HS3ST4: variants seen among roughly 807,000 people sequenced by gnomAD.
HS3ST4 encodes heparan sulfate-glucosamine 3-sulfotransferase 4, also known as heparan sulfate glucosamine 3-O-sulfotransferase 4.
HS3ST4 carries 17 observed loss-of-function variants against 29.2 expected under a neutral mutation model. The ratio of observed to expected loss-of-function variants is 0.58; its 90% CI spans 0.40 to 0.87. The LOEUF is 0.87. Ranked by LOEUF, HS3ST4 falls within the 40% of genes least tolerant of loss-of-function variation. The probability of loss-of-function intolerance (pLI) is 0.00; values close to 1 mark genes in which losing one functional copy is unlikely to be tolerated. For missense variants in HS3ST4, 627 were observed against 634.5 expected (o/e 0.99, Z 0.13); for synonymous variants, 314 against 285.7 (o/e 1.10, Z -1.00).
rs141112902 is a variant in HS3ST4, at chr16:25,946,823, GA to G, written c.735-188781del. On this transcript the variant is annotated intron_variant, in intron 1 of 1. Coordinates refer to ENST00000331351, the MANE Select transcript of HS3ST4 (RefSeq NM_006040.3). ...AGAGGTAAGTAGGCAAAGAGATAGGGAAAAAAAACACTTCTAGCAGCAAGGA... is the reference window on the plus strand; with the variant it reads ...AGAGGTAAGTAGGCAAAGAGATAGGGAAAAAAACACTTCTAGCAGCAAGGA... 3.5e-3 allele frequency among the ~76,000 whole-genome samples: 531 copies of G among 151,632 alleles called. 17 individuals are homozygous for G. The East Asian group carries it at 0.08, about 23-fold the overall frequency.
At chr16:25,876,642 G>T (rs532579288) in intron 1 of HS3ST4, among the ~76,000 whole-genome samples, 1 of 152,120 alleles carries the variant, frequency 6.6e-6, no homozygotes, top group African/African-American at 2.4e-5. Flanking sequence ...TGGAGCTGGG[G>T]GTAGGGTCAT....
chr16:25,760,066 C>A (rs192695505), intron 1 of HS3ST4, among the ~76,000 whole-genome samples: 1 of 152,154 alleles, frequency 6.6e-6, no homozygotes, highest in Non-Finnish European at 1.5e-5. Context: ...GAACTTCAAT[C>A]TGGGAGACTT....
intron 1 of HS3ST4, among the ~76,000 whole-genome samples, chr16:25,748,824 A>T (rs959547340): frequency 6.6e-6 from 1 of 152,224 alleles, no homozygotes; most frequent in Non-Finnish European, 1.5e-5. Flanking sequence ...ACACTCTATT[A>T]GGAAATATTA....
chr16:26,012,366 G>T (rs1259332484), intron 1 of HS3ST4, among the ~76,000 whole-genome samples: 1 of 152,234 alleles, frequency 6.6e-6, no homozygotes, highest in Non-Finnish European at 1.5e-5. Flanking sequence ...TGATAAAGAG[G>T]AAAGGTCAAG....
At chr16:25,696,692 T>G (rs1449532014) in intron 1 of HS3ST4, among the ~76,000 whole-genome samples, 3 of 152,150 alleles carry the variant, frequency 2.0e-5, no homozygotes, top group Admixed American at 6.5e-5. Context: ...CACATTCCAT[T>G]GGCTAGGGGA....
intron 1 of HS3ST4, among the ~76,000 whole-genome samples, chr16:25,702,266 G>T (rs1253448192): frequency 1.3e-5 from 2 of 152,134 alleles, no homozygotes; most frequent in South Asian, 2.1e-4. Context: ...AACAATAATA[G>T]AATTCATTAA....
intron 1 of HS3ST4, among the ~76,000 whole-genome samples, chr16:26,109,131 T>C (rs2141801793): frequency 6.6e-6 from 1 of 152,296 alleles, no homozygotes; most frequent in African/African-American, 2.4e-5. Flanking sequence ...TTCAATGCAC[T>C]CTCCGGCAAA....
chr16:26,055,414 A>G (rs1898394988), intron 1 of HS3ST4, among the ~76,000 whole-genome samples: 2 of 152,146 alleles, frequency 1.3e-5, no homozygotes, highest in East Asian at 3.9e-4. Flanking sequence ...TCTGGGCACT[A>G]GTAGGGGAAA....
intron 1 of HS3ST4, among the ~76,000 whole-genome samples, chr16:25,731,956 A>G (rs1435177059): frequency 6.6e-6 from 1 of 152,226 alleles, no homozygotes; most frequent in Non-Finnish European, 1.5e-5. Context: ...CTTTGGAAGA[A>G]CAAACCTTTT....
chr16:26,041,219 G>C (rs58410104), intron 1 of HS3ST4, among the ~76,000 whole-genome samples: 2,527 of 152,056 alleles, frequency 0.017, 66 homozygotes, highest in African/African-American at 0.056. Flanking sequence ...GTGCATGCCT[G>C]TGGTCCCAGC....
chr16:26,091,282 T>C (rs952402561), intron 1 of HS3ST4, among the ~76,000 whole-genome samples: 18 of 152,220 alleles, frequency 1.2e-4, no homozygotes, highest in African/African-American at 4.3e-4. Context: ...TCTATAACTT[T>C]AATGCATGTG....
chr16:26,048,748 A>G (rs1316530054), intron 1 of HS3ST4, among the ~76,000 whole-genome samples: 2 of 152,184 alleles, frequency 1.3e-5, no homozygotes, highest in Admixed American at 1.3e-4. Flanking sequence ...TGGGAGGATC[A>G]CTTGAGCCCA....
At chr16:25,894,398 C>T (rs989863007) in intron 1 of HS3ST4, among the ~76,000 whole-genome samples, 3 of 152,122 alleles carry the variant, frequency 2.0e-5, no homozygotes, top group South Asian at 2.1e-4. Flanking sequence ...AAAGCAGATC[C>T]GAAAGCAGAG....
At chr16:25,697,661 C>G (rs1966307271) in intron 1 of HS3ST4, among the ~76,000 whole-genome samples, 1 of 152,136 alleles carries the variant, frequency 6.6e-6, no homozygotes, top group Non-Finnish European at 1.5e-5. Context: ...TTGGATTCAG[C>G]CAGTCTGAAG....
At chr16:25,783,283 A>T (rs1354016618) in intron 1 of HS3ST4, among the ~76,000 whole-genome samples, 3 of 152,152 alleles carry the variant, frequency 2.0e-5, no homozygotes, top group Non-Finnish European at 4.4e-5. Context: ...CAAGCCTTTG[A>T]ATATTTTCCA....
intron 1 of HS3ST4, among the ~76,000 whole-genome samples, chr16:25,809,263 A>G (rs1213803312): frequency 6.6e-6 from 1 of 152,106 alleles, no homozygotes; most frequent in East Asian, 1.9e-4. Context: ...AGATTTAGTT[A>G]CACTCTATTC....
chr16:25,870,918 A>G (rs1240146199), intron 1 of HS3ST4, among the ~76,000 whole-genome samples: 2 of 152,222 alleles, frequency 1.3e-5, no homozygotes, highest in East Asian at 3.8e-4. Flanking sequence ...TGCCTGTTCC[A>G]ATCTATCCTG....
At chr16:25,788,105 A>T (rs1966860224) in intron 1 of HS3ST4, among the ~76,000 whole-genome samples, 1 of 152,162 alleles carries the variant, frequency 6.6e-6, no homozygotes, top group African/African-American at 2.4e-5. Flanking sequence ...GTATGTGATT[A>T]TATTCAGGTT....
chr16:26,134,755 T>A (rs1898258262), intron 1 of HS3ST4, among the ~76,000 whole-genome samples: 1 of 152,204 alleles, frequency 6.6e-6, no homozygotes, highest in Non-Finnish European at 1.5e-5. Context: ...GCTTCGGTTT[T>A]CTCATTTGCA....
Sources: allele counts gnomAD v4.1 joint callset (sites outside exome capture counted in the v4.1 genomes callset), GRCh38; gene constraint gnomAD v4.1.1; transcripts MANE v1.5; gene names NCBI Gene and HGNC (gene_info 2026-07-23, HGNC 2026-07-21).